ERC2: variants seen among roughly 807,000 people sequenced by gnomAD.
ERC2 encodes ERC protein 2.
In ERC2, 42 loss-of-function variants were observed where a neutral mutation model predicts 114.8. The observed-to-expected ratio is 0.37, with a 90% CI of 0.29 to 0.47. The LOEUF (loss-of-function observed/expected upper bound fraction) is 0.47. Among genes scored for constraint, ERC2 ranks in the 20% least tolerant of loss-of-function variants. ERC2 has a pLI of 0.99. For synonymous variants in ERC2, 454 were observed against 425.5 expected (o/e 1.07, Z -0.82); for missense variants, 939 against 1,150.7 (o/e 0.82, Z 2.66).
intron 4 of ERC2, among the ~76,000 whole-genome samples, chr3:56,167,185 A>G (rs1414627899): frequency 6.6e-6 from 1 of 152,152 alleles, no homozygotes; most frequent in Non-Finnish European, 1.5e-5. Context: ...TTGACTCCTC[A>G]TAGCTCATTT....
At chr3:55,525,862 G>T (rs576158113) in intron 17 of ERC2, among the ~76,000 whole-genome samples, 18 of 152,300 alleles carry the variant, frequency 1.2e-4, no homozygotes, top group South Asian at 4.1e-4. Flanking sequence ...CTTAAGGGAA[G>T]AACAATTCCT....
At chr3:56,267,409 T>A (rs1045492204) in intron 3 of ERC2, among the ~76,000 whole-genome samples, 6 of 152,146 alleles carry the variant, frequency 3.9e-5, no homozygotes, top group Admixed American at 6.6e-5. Context: ...GAATGTTTTT[T>A]AAAAATCAAA....
At chr3:56,420,042 A>T (rs1050681946) in intron 2 of ERC2, among the ~76,000 whole-genome samples, 2 of 152,036 alleles carry the variant, frequency 1.3e-5, no homozygotes, top group Admixed American at 1.3e-4. Context: ...TTCCTTGGAA[A>T]CTTTTATATT....
chr3:56,087,698 A>T (rs1263639212), intron 6 of ERC2, among the ~76,000 whole-genome samples: 1 of 152,210 alleles, frequency 6.6e-6, no homozygotes, highest in Non-Finnish European at 1.5e-5. Context: ...TAAACAGGCT[A>T]TCACAAAGAA....
chr3:56,175,818 A>G (rs958372121), intron 3 of ERC2, among the ~76,000 whole-genome samples: 3 of 152,238 alleles, frequency 2.0e-5, no homozygotes, highest in Non-Finnish European at 2.9e-5. Flanking sequence ...ATAAGAAATT[A>G]GGAAATTATG....
At chr3:56,019,087 A>G in intron 7 of ERC2, 56 bp from the exon 8 acceptor site, 1 of 1,337,270 alleles carries the variant, frequency 7.5e-7, no homozygotes, top group Non-Finnish European at 1.0e-6. Flanking sequence ...CTAGGCCAAA[A>G]TTCCTGAAGT....
intron 3 of ERC2, among the ~76,000 whole-genome samples, chr3:56,238,090 A>G (rs989689080): frequency 6.6e-5 from 10 of 152,186 alleles, no homozygotes; most frequent in African/African-American, 2.4e-4. Context: ...TAGAGGGCAC[A>G]TGACAAACCC....
intron 1 of ERC2, among the ~76,000 whole-genome samples, chr3:56,439,154 G>A (rs2062167848): frequency 6.6e-6 from 1 of 152,160 alleles, no homozygotes; most frequent in Admixed American, 6.5e-5. Context: ...ACATAAAACT[G>A]AATGGGCTTG....
intron 17 of ERC2, among the ~76,000 whole-genome samples, chr3:55,614,586 G>A (rs2059048551): frequency 6.6e-6 from 1 of 151,732 alleles, no homozygotes; most frequent in Non-Finnish European, 1.5e-5. Context: ...TTTTCCTTTG[G>A]GTGACAAAGA....
intron 7 of ERC2, among the ~76,000 whole-genome samples, chr3:56,048,161 C>T (rs1314399688): frequency 2.6e-5 from 4 of 152,100 alleles, no homozygotes; most frequent in Admixed American, 6.6e-5. Context: ...AATATTAAAC[C>T]GTAAATTACT....
chr3:56,032,921 A>AAGAAAGAAAGAGAGAGAGAGAGAC (rs2074487104), intron 7 of ERC2, among the ~76,000 whole-genome samples: 1 of 80,784 alleles, frequency 1.2e-5, no homozygotes. Flanking sequence ...GAAAGAAAGA[A>AAGAAAGAAAGAGAGAGAGAGAGAC]AGAAAGAAAG....
chr3:55,723,714 T>C (rs1046350149), intron 15 of ERC2, among the ~76,000 whole-genome samples: 2 of 152,182 alleles, frequency 1.3e-5, no homozygotes, highest in African/African-American at 4.8e-5. Context: ...CTGATACTAT[T>C]ATTTGAAAAA....
At chr3:56,332,656 C>T (rs1443934727) in intron 2 of ERC2, among the ~76,000 whole-genome samples, 1 of 152,200 alleles carries the variant, frequency 6.6e-6, no homozygotes, top group African/African-American at 2.4e-5. Context: ...ACTAGAGCCA[C>T]ACAGTAAGTG....
chr3:55,656,767 C>G (rs1179707450), intron 17 of ERC2, among the ~76,000 whole-genome samples: 4 of 152,226 alleles, frequency 2.6e-5, no homozygotes, highest in African/African-American at 4.8e-5. Context: ...TGATATGAAA[C>G]TATCACTGCA....
intron 6 of ERC2, among the ~76,000 whole-genome samples, chr3:56,109,233 T>G (rs2078832529): frequency 6.6e-6 from 1 of 152,144 alleles, no homozygotes; most frequent in Non-Finnish European, 1.5e-5. Flanking sequence ...TTTGTGTTCA[T>G]GAGATCTCAT....
intron 2 of ERC2, among the ~76,000 whole-genome samples, chr3:56,303,388 G>A (rs1360619117): frequency 2.6e-5 from 4 of 152,116 alleles, no homozygotes; most frequent in South Asian, 2.1e-4. Flanking sequence ...TTAAAAATAC[G>A]CAAATGGAAG....
intron 1 of ERC2, chr3:56,467,156 T>C (rs2063581478): frequency 6.6e-6 from 1 of 152,086 alleles, no homozygotes; most frequent in Non-Finnish European, 1.5e-5. Flanking sequence ...AAACCAATGG[T>C]TAAGTAAAAT....
At chr3:56,256,918 C>T (rs2150248311) in intron 3 of ERC2, among the ~76,000 whole-genome samples, 1 of 152,256 alleles carries the variant, frequency 6.6e-6, no homozygotes, top group South Asian at 2.1e-4. Context: ...TCAATTAAAC[C>T]TCTTTCCTTT....
intron 10 of ERC2, among the ~76,000 whole-genome samples, chr3:55,992,913 C>A (rs556375980): frequency 2.2e-3 from 342 of 152,290 alleles, no homozygotes; most frequent in Non-Finnish European, 3.0e-3. Context: ...TGAACAAGTA[C>A]ACAGACAAGA....
Sources: allele counts gnomAD v4.1 joint callset (sites outside exome capture counted in the v4.1 genomes callset), GRCh38; gene constraint gnomAD v4.1.1; transcripts MANE v1.5; gene names NCBI Gene and HGNC (gene_info 2026-07-23, HGNC 2026-07-21).